Variants in TCERG1L observed in about 807,000 individuals in gnomAD.
TCERG1L encodes the protein transcription elongation regulator 1-like protein.
Under a neutral mutation model 56.3 loss-of-function variants are expected in TCERG1L, and 37 were observed. The ratio of observed to expected loss-of-function variants is 0.66; its 90% CI spans 0.51 to 0.87. The LOEUF is 0.87. Among genes scored for constraint, TCERG1L ranks in the 40% least tolerant of loss-of-function variants. The pLI, the probability that TCERG1L is intolerant of heterozygous loss-of-function variation, is 0.00. For synonymous variants in TCERG1L, 324 were observed against 326.3 expected, an observed-to-expected ratio of 0.99 and a Z score of 0.08; for missense variants, 799 against 774.2, an observed-to-expected ratio of 1.03 and a Z score of -0.38.
intron 3 of TCERG1L, among the ~76,000 whole-genome samples, chr10:131,302,641 A>C (rs895526790): frequency 1.1e-5 from 1 of 93,020 alleles, no homozygotes; most frequent in East Asian, 3.0e-4. Context: ...TTTTTTTTTT[A>C]TTATACTTTA....
chr10:131,161,471 T>A (rs907140636), intron 6 of TCERG1L: 7 of 152,226 alleles, frequency 4.6e-5, no homozygotes, highest in African/African-American at 1.7e-4. Flanking sequence ...TCCCAAACTC[T>A]TAGAATTTCC....
chr10:131,142,625 A>G (rs1845750789), intron 7 of TCERG1L, among the ~76,000 whole-genome samples: 1 of 152,170 alleles, frequency 6.6e-6, no homozygotes, highest in Non-Finnish European at 1.5e-5. Context: ...GTGAGCTCGC[A>G]CCAAGAGTCA....
At chr10:131,207,041 G>A (rs1478192339) in intron 4 of TCERG1L, among the ~76,000 whole-genome samples, 1 of 152,200 alleles carries the variant, frequency 6.6e-6, no homozygotes, top group Non-Finnish European at 1.5e-5. Context: ...AGCTGAGCCT[G>A]GAATCAGAAA....
At chr10:131,133,733 T>G (rs1277223035) in intron 8 of TCERG1L, among the ~76,000 whole-genome samples, 1 of 152,098 alleles carries the variant, frequency 6.6e-6, no homozygotes, top group South Asian at 2.1e-4. Flanking sequence ...CAGGAGGGGT[T>G]AAAGGGCAGG....
intron 4 of TCERG1L, among the ~76,000 whole-genome samples, chr10:131,176,577 C>T: frequency 6.6e-6 from 1 of 151,624 alleles, no homozygotes; most frequent in African/African-American, 2.4e-5. Flanking sequence ...GGCACGTGCA[C>T]ACACACCAAA....
intron 3 of TCERG1L, among the ~76,000 whole-genome samples, chr10:131,307,639 A>G (rs1241526382): frequency 6.6e-6 from 1 of 152,232 alleles, no homozygotes; most frequent in African/African-American, 2.4e-5. Flanking sequence ...TAGGTTTATT[A>G]TACAATCTTT....
chr10:131,257,274 C>T (rs544896782), intron 4 of TCERG1L, among the ~76,000 whole-genome samples: 3 of 152,110 alleles, frequency 2.0e-5, no homozygotes, highest in Non-Finnish European at 4.4e-5. Context: ...CAGAGGCCAA[C>T]GGACACAAAG....
In TCERG1L at chr10:131,311,502, C is replaced by A. The variant is rs1318857175; in HGVS notation, c.134G>T (p.Gly45Val). Residue 45 changes from glycine to valine, a missense_variant, in exon 1 of 12, where the codon GGC becomes GTC. By Grantham distance (109) the Gly-to-Val change is moderately radical (BLOSUM62 -3). Coordinates refer to ENST00000368642, the MANE Select transcript of TCERG1L (RefSeq NM_174937.4). This position sits in a 1 kb window ranked among gnomAD's most constrained non-coding sequence, Gnocchi z 4.0. Reference protein sequence around the residue: ...PPPPWVWMVPGSAGLLRLSAG... With the variant: ...PPPPWVWMVPVSAGLLRLSAG... ...GCTGAGCCGGAGCAGCCCGGCCGAG[C>A]CCGGCACCATCCAGACCCAGGGCGG... 52 of 1,210,288 alleles carry A rather than the reference C, an allele frequency of 4.3e-5. No homozygotes were observed. The highest frequency in any genetic ancestry group is 5.3e-5 in the Non-Finnish European group (51 of 970,674). 75.0% of individuals were successfully genotyped at this position (1,210,288 alleles called of 1,614,324 possible).
chr10:131,121,340 A>G (rs1408735499), intron 8 of TCERG1L, among the ~76,000 whole-genome samples: 1 of 152,200 alleles, frequency 6.6e-6, no homozygotes, highest in Non-Finnish European at 1.5e-5. Flanking sequence ...CCTTGGCCAA[A>G]ATATGGAAAC....
chr10:131,158,000 G>A lies in TCERG1L; in HGVS notation c.1034+5122C>T, dbSNP rs138448551. Among the ~76,000 whole-genome samples, 1,515 of 152,256 alleles carry A rather than the reference G, an allele frequency of 1.0e-2. 27 individuals carry two copies. Among genetic ancestry groups the A allele is most frequent in the African/African-American group, 0.035 (1,450 of 41,546 alleles). ...TTTCTTCATTTTTATTCCCTGTCAG[G>A]GTGTGAATTTTGCATTTCTCAAGTG... On this transcript the variant is annotated intron_variant, in intron 6 of 11. Coordinates refer to ENST00000368642, the MANE Select transcript of TCERG1L (RefSeq NM_174937.4).
chr10:131,140,824 T>C (rs1186426513), intron 7 of TCERG1L, among the ~76,000 whole-genome samples: 2 of 152,150 alleles, frequency 1.3e-5, no homozygotes, highest in Non-Finnish European at 2.9e-5. Flanking sequence ...AGCAGGGTCC[T>C]GTGGGCTGAG....
chr10:131,286,883 G>A (rs1675222192), intron 3 of TCERG1L, among the ~76,000 whole-genome samples: 1 of 152,200 alleles, frequency 6.6e-6, no homozygotes, highest in Admixed American at 6.5e-5. Flanking sequence ...AGCTCCATGT[G>A]GCTACAGAGC....
chr10:131,295,148 T>C, intron 3 of TCERG1L, among the ~76,000 whole-genome samples: 1 of 152,234 alleles, frequency 6.6e-6, no homozygotes, highest in East Asian at 1.9e-4. Flanking sequence ...TCATTGCACA[T>C]GTAAGAAGTG....
rs556530047 is a variant in TCERG1L, at chr10:131,167,573, G to C, written c.857-688C>G. ...CCTTCCCAAGAAGGACAAAGGGCCA[G>C]TGTAGGACAACAGAACCAGCCTTGC... On this transcript the variant is annotated intron_variant, in intron 4 of 11. Coordinates refer to ENST00000368642, the MANE Select transcript of TCERG1L (RefSeq NM_174937.4). Among the ~76,000 whole-genome samples the C allele has an allele frequency of 2.0e-5, 3 of 152,374 alleles. No individual in the cohort carries two copies. The East Asian group carries it at 5.8e-4, about 29-fold the overall frequency.
chr10:131,234,790 G>A lies in TCERG1L; in HGVS notation c.856+25469C>T, dbSNP rs57076520. On this transcript the variant is annotated intron_variant, in intron 4 of 11. Transcript: ENST00000368642. ...GTGATCTTGGCTCACCGCCACCTCC[G>A]CCTCCTGGGTTCAAGTGATTTTCCT... Among the ~76,000 whole-genome samples the A allele has an allele frequency of 3.8e-3, 578 of 152,252 alleles. 19 individuals are homozygous for A. In the East Asian group the frequency reaches 0.07, roughly 18 times the overall value.
intron 4 of TCERG1L, among the ~76,000 whole-genome samples, chr10:131,197,436 C>T (rs1476539842): frequency 6.6e-6 from 1 of 152,128 alleles, no homozygotes; most frequent in African/African-American, 2.4e-5. Flanking sequence ...CCTCCTGCCT[C>T]GGCCTCCCAA....
chr10:131,249,001 C>T (rs981858088), intron 4 of TCERG1L, among the ~76,000 whole-genome samples: 1 of 152,194 alleles, frequency 6.6e-6, no homozygotes, highest in African/African-American at 2.4e-5. Flanking sequence ...TGACCTGGTG[C>T]ACAGAGGCGA....
intron 2 of TCERG1L, 101 bp from the exon 3 acceptor site, chr10:131,308,492 T>C (rs1589780004): frequency 2.1e-6 from 2 of 965,176 alleles, no homozygotes; most frequent in East Asian, 2.5e-5. Context: ...TGATCCAACA[T>C]TGAACATTCT....
At chr10:131,124,714 C>T (rs1845547385) in intron 8 of TCERG1L, among the ~76,000 whole-genome samples, 1 of 152,106 alleles carries the variant, frequency 6.6e-6, no homozygotes, top group African/African-American at 2.4e-5. Flanking sequence ...CCTTCTTTAT[C>T]CCCCAAATGA....
Sources: gnomAD v4.1 joint callset for allele counts (sites outside exome capture counted in the v4.1 genomes callset) on GRCh38, gnomAD v4.1.1 for gene constraint, Gnocchi (gnomAD v3.1) non-coding constraint, MANE v1.5 for transcripts, NCBI Gene and HGNC (gene_info 2026-07-23, HGNC 2026-07-21) for gene names.